SH3YL1: variants seen among roughly 807,000 people sequenced by gnomAD.
SH3YL1 encodes the protein SH3 domain-containing YSC84-like protein 1.
In SH3YL1, 41 loss-of-function variants were observed where a neutral mutation model predicts 45.8. The observed-to-expected ratio is 0.89, with a 90% confidence interval of 0.70 to 1.16. The LOEUF (loss-of-function observed/expected upper bound fraction) is 1.16, where lower values mean the gene tolerates loss of function less well. SH3YL1 is among the 50% of genes most tolerant of loss of function. The pLI is 0.00. For synonymous variants in SH3YL1, 152 were observed against 151.4 expected (o/e 1.00, Z -0.03); for missense variants, 389 against 409.6 (o/e 0.95, Z 0.43).
At chr2:233,991 C>T (rs1668170625) in intron 5 of SH3YL1, among the ~76,000 whole-genome samples, 169 bp downstream of exon 5, 1 of 152,204 alleles carries the variant, frequency 6.6e-6, no homozygotes, top group South Asian at 2.1e-4. Flanking sequence ...GCTTATCTCA[C>T]TGGCTGTGTT....
At position 218,731 on chromosome 2, in the gene SH3YL1, T is replaced by G; in HGVS notation, c.*80A>C. ...AACAGAAGTTTTTTAAAATTTATAT[T>G]AAACATTGCTTAACTAGTAAATCCT... On this transcript the variant is annotated 3_prime_UTR_variant, in exon 10 of 10. Transcript: ENST00000356150. The G allele has an allele frequency of 8.3e-7, 1 of 1,207,416 alleles. No individual in the cohort carries two copies. Among genetic ancestry groups the G allele is most frequent in the Non-Finnish European group, 1.1e-6 (1 of 883,744 alleles). The allele number at this position is 1,207,416 out of a possible 1,614,324, so 74.8% of individuals were successfully genotyped here.
chr2:237,125 A>G (rs1194263679), intron 4 of SH3YL1, among the ~76,000 whole-genome samples: 2 of 46,116 alleles, frequency 4.3e-5, no homozygotes, highest in Admixed American at 4.4e-4. Flanking sequence ...TGCCTTCCAT[A>G]ATGCTTCCCA....
chr2:264,689 C>T (rs1669780867), upstream of SH3YL1: 3 of 398,712 alleles, frequency 7.5e-6, no homozygotes, highest in Non-Finnish European at 1.4e-5. Context: ...GCAGCTCCTC[C>T]TCCTCCGGAC....
In SH3YL1 at chr2:218,515, T is replaced by C. The variant is rs972785522; in HGVS notation, c.*296A>G. On this transcript the variant is annotated 3_prime_UTR_variant, in exon 10 of 10. Coordinates refer to ENST00000356150, the MANE Select transcript of SH3YL1 (RefSeq NM_015677.4). The stretch of plus-strand genomic sequence containing the variant: ...TTCTCAAATTAAAACACAGCTACCA[T>C]ATACATGGCCAGATCAAATGCTTAG... 11 of 242,684 alleles carry C rather than the reference T, an allele frequency of 4.5e-5. No homozygotes were observed. Among genetic ancestry groups the C allele is most frequent in the Non-Finnish European group, 8.5e-5 (11 of 128,890 alleles). 15.0% of individuals were successfully genotyped at this position (242,684 alleles called of 1,614,324 possible). A position where few individuals can be genotyped will look rare whatever the true frequency, so the allele number is the denominator to read the frequency against.
chr2:223,850 G>A (rs1667681498), intron 9 of SH3YL1, among the ~76,000 whole-genome samples: 2 of 152,134 alleles, frequency 1.3e-5, no homozygotes, highest in Admixed American at 6.5e-5. Context: ...CAACCCCCTC[G>A]GAGGAGAAAC....
Position 229,967 on chromosome 2 carries a change from T to G in SH3YL1, c.780A>C (p.Gln260His), listed in dbSNP as rs753814985. The G allele has an allele frequency of 1.9e-6, 3 of 1,611,176 alleles. No homozygotes were observed. The Admixed American group carries it at 5.0e-5, about 27-fold the overall frequency. ...SAPVQLNSGS[Q>H]SNRNEYKLYP... is the part of the protein sequence containing the mutation. Reference sequence around the variant, plus strand: ...TTGAATTGCAACAAAAATATTTACTTTGAGAGCCAGAGTTCAGCTGGACTG... The same window carrying G: ...TTGAATTGCAACAAAAATATTTACTGTGAGAGCCAGAGTTCAGCTGGACTG... Residue 260 changes from glutamine to histidine, a missense_variant and splice_region_variant, in exon 8 of 10, where the codon CAA becomes CAC. Transcript: ENST00000356150.
At chr2:251,553 G>A (rs1669072547) in intron 2 of SH3YL1, among the ~76,000 whole-genome samples, 1 of 152,030 alleles carries the variant, frequency 6.6e-6, no homozygotes, top group African/African-American at 2.4e-5. Context: ...TCAGAATACT[G>A]ATACTGAAAA....
At chr2:230,773 A>G in intron 7 of SH3YL1, 1 of 440,398 alleles carries the variant, frequency 2.3e-6, no homozygotes, top group South Asian at 2.6e-5. Flanking sequence ...CCTCCCACAT[A>G]TTATTTGTAT....
chr2:228,286 C>T (rs979290745), intron 8 of SH3YL1, among the ~76,000 whole-genome samples: 2 of 152,166 alleles, frequency 1.3e-5, no homozygotes, highest in Admixed American at 6.5e-5. Flanking sequence ...GGGGAACACA[C>T]GTGGTCACCG....
chr2:252,534 T>C (rs1005112076), intron 2 of SH3YL1, among the ~76,000 whole-genome samples: 1 of 152,212 alleles, frequency 6.6e-6, no homozygotes, highest in African/African-American at 2.4e-5. Context: ...CAGCTGGCCC[T>C]GTCCAGACCC....
At position 218,144 on chromosome 2, in the gene SH3YL1, T is replaced by C. The variant is rs1348367934; in HGVS notation, c.*667A>G. The stretch of plus-strand genomic sequence containing the variant: ...AAATAAGAAAAACAAAATTGAAATA[T>C]TAACTTAGTAAACATTTAAAAATTT... On this transcript the variant is annotated 3_prime_UTR_variant, in exon 10 of 10. Transcript: ENST00000356150. 6.6e-6 allele frequency: 1 copy of C among 152,166 alleles called. No individual in the cohort carries two copies. Among genetic ancestry groups the C allele is most frequent in the African/African-American group, 2.4e-5 (1 of 41,438 alleles). The allele number at this position is 152,166 out of a possible 1,614,324, so 9.4% of individuals were successfully genotyped here.
chr2:255,794 T>C (rs1669295899), intron 1 of SH3YL1: 1 of 152,194 alleles, frequency 6.6e-6, no homozygotes, highest in Non-Finnish European at 1.5e-5. Context: ...TTTCCACAGA[T>C]ACTTTATGCA....
At chr2:229,440 G>A (rs897971307) in intron 8 of SH3YL1, among the ~76,000 whole-genome samples, 2 of 152,168 alleles carry the variant, frequency 1.3e-5, no homozygotes, top group Non-Finnish European at 2.9e-5. Context: ...TTAAGAAAGT[G>A]TCTTATGGGC....
intron 4 of SH3YL1, chr2:240,078 T>C (rs1273188363): frequency 6.6e-6 from 1 of 152,328 alleles, no homozygotes; most frequent in Non-Finnish European, 1.5e-5. Flanking sequence ...AGAAGCTCCA[T>C]TCCAGGCAAG....
At chr2:262,503 C>CCACACATGCCA in intron 1 of SH3YL1, 1 of 1,052,922 alleles carries the variant, frequency 9.5e-7, no homozygotes, top group African/African-American at 1.6e-5. Flanking sequence ...CAGAGCAGTT[C>CCACACATGCCA]CACACATGCC....
chr2:243,400 G>C (rs1196491400), intron 4 of SH3YL1: 1 of 1,114,636 alleles, frequency 9.0e-7, no homozygotes, highest in African/African-American at 1.6e-5. Context: ...TAAATATGTG[G>C]ACATTAAGCA....
intron 2 of SH3YL1, 94 bp from the exon 3 acceptor site, chr2:249,938 T>C: frequency 2.3e-6 from 2 of 865,478 alleles, no homozygotes; most frequent in South Asian, 3.2e-5. Flanking sequence ...TACACAGAGG[T>C]TATCTCTAGG....
At chr2:234,810 C>T (rs1668210872) in intron 4 of SH3YL1, among the ~76,000 whole-genome samples, 1 of 152,140 alleles carries the variant, frequency 6.6e-6, no homozygotes, top group African/African-American at 2.4e-5. Flanking sequence ...CACTATAGGT[C>T]ACAGAAGCTC....
intron 1 of SH3YL1, chr2:260,276 T>C (rs1324555658): frequency 6.6e-6 from 1 of 152,220 alleles, no homozygotes; most frequent in African/African-American, 2.4e-5. Context: ...TTTGAATTAG[T>C]TCACTGGAGT....
Sources: allele counts gnomAD v4.1 joint callset (sites outside exome capture counted in the v4.1 genomes callset), GRCh38; gene constraint gnomAD v4.1.1; transcripts MANE v1.5; gene names NCBI Gene and HGNC (gene_info 2026-07-23, HGNC 2026-07-21).